Variants in BRSK1 observed in about 807,000 individuals in gnomAD.
BRSK1 encodes the protein BR serine/threonine kinase 1.
BRSK1 carries 17 observed loss-of-function variants against 86.2 expected under a neutral mutation model. The ratio of observed to expected loss-of-function variants is 0.20; its 90% CI spans 0.14 to 0.30. The LOEUF (loss-of-function observed/expected upper bound fraction) is 0.30. BRSK1 is among the 10% of genes least tolerant of loss of function. The probability of loss-of-function intolerance (pLI) is 1.00; values close to 1 mark genes in which losing one functional copy is unlikely to be tolerated. For missense variants in BRSK1, 719 were observed against 1,071.9 expected, an observed-to-expected ratio of 0.67 and a Z score of 4.60; for synonymous variants, 464 against 440.1, an observed-to-expected ratio of 1.05 and a Z score of -0.68.
intron 7 of BRSK1, among the ~76,000 whole-genome samples, chr19:55,299,678 G>A (rs1158920197): frequency 6.6e-6 from 1 of 152,070 alleles, no homozygotes; most frequent in East Asian, 1.9e-4. Flanking sequence ...CAGCCACCAT[G>A]CCCAGCCTGT....
At chr19:55,291,010 A>G (rs2088398082) in intron 4 of BRSK1, among the ~76,000 whole-genome samples, 2 of 150,718 alleles carry the variant, frequency 1.3e-5, no homozygotes. Context: ...GGTCTTCTGT[A>G]TATTTTCTAG....
Position 55,305,996 on chromosome 19 carries a change from T to C in BRSK1, c.1891-256T>C, listed in dbSNP as rs370813147. Among the ~76,000 whole-genome samples the C allele has an allele frequency of 1.3e-4, 20 of 152,298 alleles. No homozygotes were observed. The South Asian group carries it at 2.5e-3, about 19-fold the overall frequency. ...AGGGAGCAAGCAGTGTTTCATGTGG[T>C]CTTGGAGTCTGAGGCTGTCACCTAG... On this transcript the variant is annotated intron_variant, in intron 16 of 18. Transcript: ENST00000309383.
rs964956096 is a variant in BRSK1 at position 55,284,240 on chromosome 19, A to ACC, written c.-197_-196dup. 2.1e-6 allele frequency: 1 copy of ACC among 482,410 alleles called. No individual in the cohort carries two copies. 29.9% of individuals were successfully genotyped at this position (482,410 alleles called of 1,614,324 possible). On this transcript the variant is annotated 5_prime_UTR_variant, in exon 1 of 19. Coordinates refer to ENST00000309383, the MANE Select transcript of BRSK1 (RefSeq NM_032430.2). ...GGGCCATGCTGACTCCCGGGGCCTG[A>ACC]CCCCCCCGGGCCAGCCCCCCCTCCC... is the stretch of plus-strand genomic sequence containing the variant.
Position 55,302,129 on chromosome 19 carries a change from C to T in BRSK1, c.826-8C>T, listed in dbSNP as rs1453511357. The T allele has an allele frequency of 6.2e-7, 1 of 1,614,064 alleles. No individual in the cohort carries two copies. Among genetic ancestry groups the T allele is most frequent in the South Asian group, 1.1e-5 (1 of 91,086 alleles). Reference sequence around the variant, plus strand: ...CTTCTGCTTCTCTACGACTCACCACCCTCACAGCTGGAGCAAATTCAGAAA... The same window carrying T: ...CTTCTGCTTCTCTACGACTCACCACTCTCACAGCTGGAGCAAATTCAGAAA... On this transcript the variant is annotated splice_polypyrimidine_tract_variant and splice_region_variant and intron_variant, in intron 8 of 18. Coordinates refer to ENST00000309383, the MANE Select transcript of BRSK1 (RefSeq NM_032430.2). This position sits in a 1 kb window ranked among gnomAD's most constrained non-coding sequence, Gnocchi z 6.3.
intron 16 of BRSK1, 41 bp downstream of exon 16, chr19:55,305,627 A>G: frequency 6.2e-7 from 1 of 1,612,708 alleles, no homozygotes. Flanking sequence ...CCCCCGCAGA[A>G]CTACAAGTCC....
In BRSK1 at chr19:55,284,498, A is replaced by ACCCCCCCC; in HGVS notation, c.61_62insCCCCCCCC (p.His21ProfsTer48). On this transcript the variant is annotated frameshift_variant, in exon 1 of 19. Coordinates refer to ENST00000309383, the MANE Select transcript of BRSK1 (RefSeq NM_032430.2). LOFTEE classifies it high-confidence loss of function. ...GGCTCTCCCGCCTACCACCTCCCCC[A>ACCCCCCCC]CCCCCACCCCCACCCACCCCAGCAC... The ACCCCCCCC allele has an allele frequency of 2.5e-6, 1 of 403,748 alleles. No individual in the cohort carries two copies. The highest frequency in any genetic ancestry group is 4.0e-6 in the Non-Finnish European group (1 of 251,864). 25.0% of individuals were successfully genotyped at this position (403,748 alleles called of 1,614,324 possible).
chr19:55,302,999 G>A lies in BRSK1; in HGVS notation c.1028+132G>A. 1 of 1,251,448 alleles carries A rather than the reference G, an allele frequency of 8.0e-7. No homozygotes were observed. The highest frequency in any genetic ancestry group is 1.1e-6 in the Non-Finnish European group (1 of 917,210). 77.5% of individuals were successfully genotyped at this position (1,251,448 alleles called of 1,614,324 possible). ...CATGGTTTGAAGCTCCCGCCTGGGA[G>A]TGATGGAACCAGCGGAGAAAACGGC... On this transcript the variant is annotated intron_variant, in intron 10 of 18. Coordinates refer to ENST00000309383, the MANE Select transcript of BRSK1 (RefSeq NM_032430.2). The surrounding 1 kb of genome is among the most constrained non-coding windows in gnomAD (Gnocchi z 6.3).
At chr19:55,307,483 A>G (rs2088670816) in intron 17 of BRSK1, among the ~76,000 whole-genome samples, 1 of 141,328 alleles carries the variant, frequency 7.1e-6, no homozygotes, top group Non-Finnish European at 1.5e-5. Flanking sequence ...CAGGAGGCAG[A>G]GGTTGCAGTG....
intron 4 of BRSK1, among the ~76,000 whole-genome samples, chr19:55,290,307 CT>C (rs547250227): frequency 0.011 from 1,716 of 152,140 alleles, 14 homozygotes; most frequent in Non-Finnish European, 0.019. Flanking sequence ...CTTTGCCCAT[CT>C]TTAATTCAGT....
rs1401174278 is a variant in BRSK1 at position 55,305,517 on chromosome 19, A to G, written c.1821A>G (p.Gln607=). The change falls in exon 16 of 19, where the codon CAA becomes CAG. Residue 607 remains glutamine, a synonymous_variant. Coordinates refer to ENST00000309383, the MANE Select transcript of BRSK1 (RefSeq NM_032430.2). ...TCATCTCCTTGGACAAAGAAGAACA[A>G]ATATTCCTCGTGCTAAAGGACAAAC... ...GNFISLDKEE[Q]IFLVLKDKPL... 3 of 1,614,190 alleles carry G rather than the reference A, an allele frequency of 1.9e-6. No homozygotes were observed. Among genetic ancestry groups the G allele is most frequent in the Non-Finnish European group, 1.7e-6 (2 of 1,180,026 alleles).
chr19:55,305,450 C>T lies in BRSK1; in HGVS notation c.1767-13C>T. ...CCTTCCTAACCCTCCTCCAACCACC[C>T]CCTCCCACTCAGGCTGGCAAAACGC... On this transcript the variant is annotated splice_polypyrimidine_tract_variant and intron_variant, in intron 15 of 18. Transcript: ENST00000309383. 1 of 1,614,150 alleles carries T rather than the reference C, an allele frequency of 6.2e-7. No individual in the cohort carries two copies. The highest frequency in any genetic ancestry group is 1.1e-5 in the South Asian group (1 of 91,088).
intron 4 of BRSK1, among the ~76,000 whole-genome samples, chr19:55,290,575 G>A (rs79610851): frequency 2.8e-3 from 425 of 152,050 alleles, no homozygotes; most frequent in African/African-American, 9.8e-3. Context: ...CTTGTGAAAA[G>A]CAAAAGATTT....
chr19:55,303,613 G>A lies in BRSK1; in HGVS notation c.1127-54G>A. On this transcript the variant is annotated intron_variant, in intron 11 of 18. Transcript: ENST00000309383. This position sits in a 1 kb window ranked among gnomAD's most constrained non-coding sequence, Gnocchi z 5.1. ...CATGTGTGCAGTTTCTGAGGCAGTTGTACACAGCTGGGTGAAACCATCTCT... is the reference window on the plus strand; with the variant it reads ...CATGTGTGCAGTTTCTGAGGCAGTTATACACAGCTGGGTGAAACCATCTCT... 2 of 1,561,596 alleles carry A rather than the reference G, an allele frequency of 1.3e-6. No homozygotes were observed. The highest frequency in any genetic ancestry group is 1.9e-5 in the Admixed American group (1 of 53,788).
In BRSK1 at chr19:55,305,604, C is replaced by T. The variant is rs759157128; in HGVS notation, c.1890+18C>T. ...TTCTGTCGGTGAGGGGCCTGGGTCC[C>T]CATCGAGCCTGGCCCCCGCAGAACT... is the stretch of plus-strand genomic sequence containing the variant. On this transcript the variant is annotated intron_variant, in intron 16 of 18. Transcript: ENST00000309383. 3 of 1,613,714 alleles carry T rather than the reference C, an allele frequency of 1.9e-6. No homozygotes were observed. Among genetic ancestry groups the T allele is most frequent in the Non-Finnish European group, 2.5e-6 (3 of 1,180,014 alleles).
intron 7 of BRSK1, among the ~76,000 whole-genome samples, chr19:55,300,293 A>G (rs2088551732): frequency 6.6e-6 from 1 of 152,136 alleles, no homozygotes; most frequent in African/African-American, 2.4e-5. Context: ...GTCATGTACT[A>G]GGTCAGTTCA....
intron 4 of BRSK1, among the ~76,000 whole-genome samples, 176 bp from the exon 5 acceptor site, chr19:55,293,841 A>G (rs1286193518): frequency 1.3e-5 from 2 of 152,146 alleles, no homozygotes; most frequent in Non-Finnish European, 2.9e-5. Context: ...ATACATACAT[A>G]TGATAAAAAA....
rs1758518365 is a variant in BRSK1 at position 55,306,032 on chromosome 19, C to A, written c.1891-220C>A. On this transcript the variant is annotated intron_variant, in intron 16 of 18. Coordinates refer to ENST00000309383, the MANE Select transcript of BRSK1 (RefSeq NM_032430.2). This position sits in a 1 kb window ranked among gnomAD's most constrained non-coding sequence, Gnocchi z 4.7. ...GAGGCTGTCACCTAGCTATCAGAGT[C>A]CTCATGATGTTAGGGGGATGTCCAA... Among the ~76,000 whole-genome samples, 2 of 152,192 alleles carry A rather than the reference C, an allele frequency of 1.3e-5. No homozygotes were observed. The highest frequency in any genetic ancestry group is 4.8e-5 in the African/African-American group (2 of 41,448).
At position 55,284,294 on chromosome 19, in the gene BRSK1, G is replaced by C; in HGVS notation, c.-149G>C. The C allele has an allele frequency of 1.6e-6, 1 of 640,800 alleles. No homozygotes were observed. Among genetic ancestry groups the C allele is most frequent in the South Asian group, 7.8e-5 (1 of 12,758 alleles). The allele number at this position is 640,800 out of a possible 1,614,324, so 39.7% of individuals were successfully genotyped here. The stretch of plus-strand genomic sequence containing the variant: ...GCTCCGCGGCCCGCCGACTGGGGGG[G>C]GCCAGCCCAGCCCCCTGGGGACCCC... On this transcript the variant is annotated 5_prime_UTR_variant, in exon 1 of 19. Transcript: ENST00000309383.
Position 55,304,714 on chromosome 19 carries a change from G to C in BRSK1, c.1511G>C (p.Gly504Ala), listed in dbSNP as rs2088622390. The C allele has an allele frequency of 1.3e-6, 2 of 1,499,204 alleles. No individual in the cohort carries two copies. Among genetic ancestry groups the C allele is most frequent in the East Asian group, 2.5e-5 (1 of 39,870 alleles). The allele number at this position is 1,499,204 out of a possible 1,614,324, so 92.9% of individuals were successfully genotyped here. A position where few individuals can be genotyped will look rare whatever the true frequency, so the allele number is the denominator to read the frequency against. The change falls in exon 14 of 19, where the codon GGC (glycine) becomes GCC (alanine). Residue 504 changes from glycine to alanine, a missense_variant. Gly to Ala is a moderately conservative substitution (Grantham distance 60, BLOSUM62 0). Around this residue, in one of 6 missense-constraint regions of BRSK1, gnomAD observed 143 missense variants for 120.1 expected, o/e 1.19. Transcript: ENST00000309383. This position sits in a 1 kb window ranked among gnomAD's most constrained non-coding sequence, Gnocchi z 5.2. ...AGTGCCCGCTCCACACCCCTGCCCG[G>C]CCCCCCAGGCTCCCCGCGCTCCTCT... is the stretch of plus-strand genomic sequence containing the variant. ...PPSARSTPLPGPPGSPRSSGG... is the reference protein window; with the variant it reads ...PPSARSTPLPAPPGSPRSSGG...
Sources: allele counts gnomAD v4.1 joint callset (sites outside exome capture counted in the v4.1 genomes callset), GRCh38; gene constraint gnomAD v4.1.1; regional missense constraint gnomAD v4.1.1; non-coding constraint Gnocchi (gnomAD v3.1); transcripts MANE v1.5; gene names NCBI Gene and HGNC (gene_info 2026-07-23, HGNC 2026-07-21).